ATP4A: variants seen among roughly 807,000 people sequenced by gnomAD.
ATP4A encodes ATPase H+/K+ transporting subunit alpha.
In ATP4A, 73 loss-of-function variants were observed where a neutral mutation model predicts 112.1. That is an observed-to-expected ratio of 0.65 (90% CI 0.54 to 0.79). The LOEUF is 0.79. Ranked by LOEUF, ATP4A falls within the 30% of genes least tolerant of loss-of-function variation. The pLI, the probability that ATP4A is intolerant of heterozygous loss-of-function variation, is 0.00. For synonymous variants in ATP4A, 588 were observed against 588.9 expected (o/e 1.00, Z 0.02); for missense variants, 1,081 against 1,425.9 (o/e 0.76, Z 3.90).
Position 35,563,370 on chromosome 19 carries a change from C to T in ATP4A, c.156+14G>A, listed in dbSNP as rs761429958. 2 of 1,613,630 alleles carry T rather than the reference C, an allele frequency of 1.2e-6. No homozygotes were observed. Among genetic ancestry groups the T allele is most frequent in the South Asian group, 1.1e-5 (1 of 91,028 alleles). ...CTACCCTCCAGCTCCCGCCCCTCCC[C>T]AGTCAGAGCTCACAATCTCCATCTC... On this transcript the variant is annotated intron_variant, in intron 2 of 21. Coordinates refer to ENST00000262623, the MANE Select transcript of ATP4A (RefSeq NM_000704.3).
rs748394516 is a variant in ATP4A at position 35,555,114 on chromosome 19, C to T, written c.2327-38G>A. 7 of 1,613,444 alleles carry T rather than the reference C, an allele frequency of 4.3e-6. No individual in the cohort carries two copies. The East Asian group carries it at 1.6e-4, about 36-fold the overall frequency. On this transcript the variant is annotated intron_variant, in intron 15 of 21. Coordinates refer to ENST00000262623, the MANE Select transcript of ATP4A (RefSeq NM_000704.3). The surrounding 1 kb of genome is among the most constrained non-coding windows in gnomAD (Gnocchi z 6.6). ...GTGGGCACCTCAGCCTCCTCACAGC[C>T]CTCTCCCTCCTGTGCCCACACTGCC...
rs1013057918 is a variant in ATP4A, at chr19:35,550,720, C to T, written c.3080-77G>A. The T allele has an allele frequency of 2.5e-6, 4 of 1,609,514 alleles. No individual in the cohort carries two copies. The African/African-American group carries it at 4.0e-5, about 16-fold the overall frequency. ...AGGGCCAGGGGCTCAGAGGTCAGTGCTGGTTGCTATGGAGGGTCAAGGGCT... is the reference window on the plus strand; with the variant it reads ...AGGGCCAGGGGCTCAGAGGTCAGTGTTGGTTGCTATGGAGGGTCAAGGGCT... On this transcript the variant is annotated intron_variant, in intron 21 of 21. Transcript: ENST00000262623. The surrounding 1 kb of genome is among the most constrained non-coding windows in gnomAD (Gnocchi z 4.1).
chr19:35,558,838 AC>A lies in ATP4A; in HGVS notation c.1256-153del. 1 of 1,273,788 alleles carries A rather than the reference AC, an allele frequency of 7.9e-7. No individual in the cohort carries two copies. Among genetic ancestry groups the A allele is most frequent in the Non-Finnish European group, 1.1e-6 (1 of 929,810 alleles). 78.9% of individuals were successfully genotyped at this position (1,273,788 alleles called of 1,614,324 possible). ...CCCTGAGGGACCCAGCCCCCGGATG[AC>A]CCTTCCCTCTAGACCCGGTAGCGAG... is the stretch of plus-strand genomic sequence containing the variant. On this transcript the variant is annotated intron_variant, in intron 8 of 21. Transcript: ENST00000262623. The surrounding 1 kb of genome is among the most constrained non-coding windows in gnomAD (Gnocchi z 5.1).
In ATP4A at chr19:35,555,279, T is replaced by C. The variant is rs1227300022; in HGVS notation, c.2213A>G (p.Lys738Arg). ...DGVNDSPALK[K>R]ADIGVAMGIA... ...GCCCATGGCTACTCCGATGTCTGCC[T>C]TCTTCAGAGCTGGGGAGTCATTCAC... is the stretch of plus-strand genomic sequence containing the variant. The change falls in exon 15 of 22, where the codon AAG becomes AGG. Residue 738 changes from lysine to arginine, a missense_variant. Around this residue, in one of 3 missense-constraint regions of ATP4A, gnomAD observed 850 missense variants for 1,068.2 expected, o/e 0.80. Transcript: ENST00000262623. The surrounding 1 kb of genome is among the most constrained non-coding windows in gnomAD (Gnocchi z 6.6). 1 of 1,614,196 alleles carries C rather than the reference T, an allele frequency of 6.2e-7. No homozygotes were observed. Among genetic ancestry groups the C allele is most frequent in the East Asian group, 2.2e-5 (1 of 44,874 alleles).
rs2071649960 is a variant in ATP4A, at chr19:35,558,876, A to G, written c.1255+117T>C. 1.8e-5 allele frequency: 25 copies of G among 1,377,014 alleles called. No individual in the cohort carries two copies. The highest frequency in any genetic ancestry group is 2.4e-5 in the Non-Finnish European group (24 of 996,742). 85.3% of individuals were successfully genotyped at this position (1,377,014 alleles called of 1,614,324 possible). A position where few individuals can be genotyped will look rare whatever the true frequency, so the allele number is the denominator to read the frequency against. On this transcript the variant is annotated intron_variant, in intron 8 of 21. Coordinates refer to ENST00000262623, the MANE Select transcript of ATP4A (RefSeq NM_000704.3). This position sits in a 1 kb window ranked among gnomAD's most constrained non-coding sequence, Gnocchi z 5.1. The stretch of plus-strand genomic sequence containing the variant: ...GACCCGGTAGCGAGTCTCCTTTGAG[A>G]CCTGGAGCCGAGCCGCCCCGCCTTC...
In ATP4A at chr19:35,559,716, G is replaced by T; in HGVS notation, c.1056+89C>A. 1 of 1,521,028 alleles carries T rather than the reference G, an allele frequency of 6.6e-7. No homozygotes were observed. The highest frequency in any genetic ancestry group is 1.3e-5 in the South Asian group (1 of 77,906). The allele number at this position is 1,521,028 out of a possible 1,614,324, so 94.2% of individuals were successfully genotyped here. On this transcript the variant is annotated intron_variant, in intron 7 of 21. Coordinates refer to ENST00000262623, the MANE Select transcript of ATP4A (RefSeq NM_000704.3). The surrounding 1 kb of genome is among the most constrained non-coding windows in gnomAD (Gnocchi z 4.1). ...GGGAGCTAAGTGGACAGATAGACAG[G>T]CAGGGAGGTGATGGGGGAAATGTGG...
In ATP4A at chr19:35,558,560, G is replaced by A; in HGVS notation, c.1365+17C>T. 2 of 1,595,696 alleles carry A rather than the reference G, an allele frequency of 1.3e-6. No individual in the cohort carries two copies. Among genetic ancestry groups the A allele is most frequent in the Non-Finnish European group, 1.7e-6 (2 of 1,171,962 alleles). The stretch of plus-strand genomic sequence containing the variant: ...CACCAGCCTCCCGGGATTCCCTGGA[G>A]GCCCCCTGGCTCTCACCTTGGGCAC... On this transcript the variant is annotated intron_variant, in intron 9 of 21. Coordinates refer to ENST00000262623, the MANE Select transcript of ATP4A (RefSeq NM_000704.3). This position sits in a 1 kb window ranked among gnomAD's most constrained non-coding sequence, Gnocchi z 5.1.
chr19:35,563,100 C>CTCTCTTCA, intron 3 of ATP4A, 109 bp downstream of exon 3: 1 of 1,244,814 alleles, frequency 8.0e-7, no homozygotes, highest in East Asian at 2.5e-5. Context: ...CCATATCTTC[C>CTCTCTTCA]TCTCTTCATC....
Position 35,558,276 on chromosome 19 carries a change from C to T in ATP4A, c.1500+86G>A, listed in dbSNP as rs1042314705. On this transcript the variant is annotated intron_variant, in intron 10 of 21. Transcript: ENST00000262623. This position sits in a 1 kb window ranked among gnomAD's most constrained non-coding sequence, Gnocchi z 5.1. Reference sequence around the variant, plus strand: ...CGGAGAGAAGGGGCAAGGAGCGAAGCCCCTCGTGGCCCGCTGATGTGGGTG... The same window carrying T: ...CGGAGAGAAGGGGCAAGGAGCGAAGTCCCTCGTGGCCCGCTGATGTGGGTG... 1 of 1,478,476 alleles carries T rather than the reference C, an allele frequency of 6.8e-7. No individual in the cohort carries two copies. The highest frequency in any genetic ancestry group is 9.1e-7 in the Non-Finnish European group (1 of 1,102,760). 91.6% of individuals were successfully genotyped at this position (1,478,476 alleles called of 1,614,324 possible).
rs200243772 is a variant in ATP4A at position 35,560,649 on chromosome 19, G to C, written c.535-34C>G. Reference sequence around the variant, plus strand: ...CAGGGGCACCAAAGTTGAGGTGGACGGGGGTGGGGGTGGGAGCTGCTGCAT... The same window carrying C: ...CAGGGGCACCAAAGTTGAGGTGGACCGGGGTGGGGGTGGGAGCTGCTGCAT... On this transcript the variant is annotated intron_variant, in intron 5 of 21. Coordinates refer to ENST00000262623, the MANE Select transcript of ATP4A (RefSeq NM_000704.3). The surrounding 1 kb of genome is among the most constrained non-coding windows in gnomAD (Gnocchi z 5.1). 2.0e-3 allele frequency: 3,126 copies of C among 1,560,548 alleles called. 2 individuals are homozygous for C. Among genetic ancestry groups the C allele is most frequent in the Non-Finnish European group, 2.3e-3 (2,603 of 1,137,518 alleles).
intron 3 of ATP4A, 54 bp from the exon 4 acceptor site, chr19:35,562,692 A>G: frequency 6.7e-7 from 1 of 1,498,016 alleles, no homozygotes; most frequent in Middle Eastern, 2.3e-4. Context: ...CCACATGCAC[A>G]CCCCGTGGAA....
rs539010027 is a variant in ATP4A, at chr19:35,559,995, T to A, written c.866A>T (p.Glu289Val). 1.2e-6 allele frequency: 2 copies of A among 1,614,102 alleles called. No individual in the cohort carries two copies. Among genetic ancestry groups the A allele is most frequent in the Admixed American group, 3.3e-5 (2 of 60,012 alleles). The change falls in exon 7 of 22, where the codon GAA (glutamate) becomes GTA (valine). Residue 289 changes from glutamate to valine, a missense_variant. Around this residue, in one of 3 missense-constraint regions of ATP4A, gnomAD observed 850 missense variants for 1,068.2 expected, o/e 0.80. Transcript: ENST00000262623. The surrounding 1 kb of genome is among the most constrained non-coding windows in gnomAD (Gnocchi z 4.1). ...GRIASLASGV[E>V]NEKTPIAIEI... The stretch of plus-strand genomic sequence containing the variant: ...GATAGCGATGGGTGTCTTCTCGTTT[T>A]CCACCCCCGACGCCAGCGATGCGAT...
Position 35,563,285 on chromosome 19 carries a change from G to A in ATP4A, c.157-17C>T, listed in dbSNP as rs761379109. 4 of 1,613,582 alleles carry A rather than the reference G, an allele frequency of 2.5e-6. No individual in the cohort carries two copies. The highest frequency in any genetic ancestry group is 4.5e-5 in the East Asian group (2 of 44,792). On this transcript the variant is annotated splice_polypyrimidine_tract_variant and intron_variant, in intron 2 of 21. Coordinates refer to ENST00000262623, the MANE Select transcript of ATP4A (RefSeq NM_000704.3). ...GTGGTCGTTCTGTGTGGTGGGGTGG[G>A]GCAGGGTGCTTGCTCTGGGCTCTCC...
rs372759610 is a variant in ATP4A, at chr19:35,558,205, T to C, written c.1500+157A>G. On this transcript the variant is annotated intron_variant, in intron 10 of 21. Transcript: ENST00000262623. This position sits in a 1 kb window ranked among gnomAD's most constrained non-coding sequence, Gnocchi z 5.1. ...GTGGTGGGCGGGGCCTTGCCTCTGG[T>C]GGACGGGGCCATAGGCGGAGCGGGA... Among the ~76,000 whole-genome samples the C allele has an allele frequency of 8.0e-5, 12 of 149,748 alleles. No homozygotes were observed. In the South Asian group the frequency reaches 2.6e-3, roughly 32 times the overall value.
intron 17 of ATP4A, 76 bp downstream of exon 17, chr19:35,553,630 A>G (rs2071614271): frequency 1.3e-6 from 2 of 1,569,012 alleles, no homozygotes; most frequent in Admixed American, 1.8e-5. Context: ...CCGGAGCCCA[A>G]GGCAGGGCCT....
intron 17 of ATP4A, among the ~76,000 whole-genome samples, chr19:35,553,489 AG>A (rs1306176515): frequency 6.6e-6 from 1 of 152,190 alleles, no homozygotes; most frequent in East Asian, 1.9e-4. Context: ...ACTCAGAGAC[AG>A]GGTCATGGAG....
chr19:35,551,079 T>G lies in ATP4A; in HGVS notation c.2918A>C (p.Gln973Pro). 1 of 1,612,702 alleles carries G rather than the reference T, an allele frequency of 6.2e-7. No homozygotes were observed. The highest frequency in any genetic ancestry group is 8.5e-7 in the Non-Finnish European group (1 of 1,179,338). Residue 973 changes from glutamine to proline, a missense_variant, in exon 20 of 22, where the codon CAG (glutamine) becomes CCG (proline). Physicochemically the swap from Gln to Pro is moderately conservative, Grantham distance 76 (BLOSUM62 -1). Transcript: ENST00000262623. The surrounding 1 kb of genome is among the most constrained non-coding windows in gnomAD (Gnocchi z 5.2). Reference sequence around the variant, plus strand: ...GCACAGGAAGCAGCCGATGCAGACCTGGAACACGATGGCGATCACCAGGAT... The same window carrying G: ...GCACAGGAAGCAGCCGATGCAGACCGGGAACACGATGGCGATCACCAGGAT... ...NKILVIAIVF[Q>P]VCIGCFLCYC... is the part of the protein sequence containing the mutation.
Position 35,550,966 on chromosome 19 carries a change from G to A in ATP4A, c.2988-41C>T, listed in dbSNP as rs768537649. 1.2e-6 allele frequency: 2 copies of A among 1,613,070 alleles called. No individual in the cohort carries two copies. The highest frequency in any genetic ancestry group is 3.3e-5 in the Admixed American group (2 of 59,886). ...AAGGTGAAGGCCATCCCAGGCCTGT[G>A]CCCTACAGCCCCCTCCCTGTCCTTG... On this transcript the variant is annotated intron_variant, in intron 20 of 21. Coordinates refer to ENST00000262623, the MANE Select transcript of ATP4A (RefSeq NM_000704.3). The surrounding 1 kb of genome is among the most constrained non-coding windows in gnomAD (Gnocchi z 4.1).
Position 35,557,709 on chromosome 19 carries a change from C to A in ATP4A, c.1639G>T (p.Glu547Ter), listed in dbSNP as rs145898907. 1 of 1,608,408 alleles carries A rather than the reference C, an allele frequency of 6.2e-7. No homozygotes were observed. Among genetic ancestry groups the A allele is most frequent in the Non-Finnish European group, 8.5e-7 (1 of 1,177,824 alleles). The change falls in exon 11 of 22, where the codon GAG becomes TAG. Residue 547 changes from glutamate to a stop codon, truncating the protein, a stop_gained. Transcript: ENST00000262623. LOFTEE classifies it high-confidence loss of function. The surrounding 1 kb of genome is among the most constrained non-coding windows in gnomAD (Gnocchi z 4.4). ...QELPLDEQWREAFQTAYLSLG... is the reference protein window; with the variant it reads ...QELPLDEQWR ...CTGAGGTAGGCGGTCTGGAAGGCCT[C>A]GCGCCACTGCTCGTCCAGCGGCAGC...
Sources: gnomAD v4.1 joint callset for allele counts (sites outside exome capture counted in the v4.1 genomes callset) on GRCh38, gnomAD v4.1.1 for gene constraint, gnomAD v4.1.1 regional missense constraint, Gnocchi (gnomAD v3.1) non-coding constraint, MANE v1.5 for transcripts, NCBI Gene and HGNC (gene_info 2026-07-23, HGNC 2026-07-21) for gene names.